The following CADPS2 variants were observed in gnomAD, a reference collection of about 807,000 sequenced individuals.
CADPS2 encodes calcium-dependent secretion activator 2.
In CADPS2, 93 loss-of-function variants were observed where a neutral mutation model predicts 172.5. The observed-to-expected ratio is 0.54, with a 90% CI of 0.46 to 0.64. The LOEUF (loss-of-function observed/expected upper bound fraction) is 0.64. Ranked by LOEUF, CADPS2 falls within the 30% of genes least tolerant of loss-of-function variation. CADPS2 has a pLI of 0.00. For missense variants in CADPS2, 1,420 were observed against 1,565.9 expected, an observed-to-expected ratio of 0.91 and a Z score of 1.57; for synonymous variants, 546 against 555.2, an observed-to-expected ratio of 0.98 and a Z score of 0.23.
chr7:122,478,514 A>G (rs2056955814), intron 12 of CADPS2, among the ~76,000 whole-genome samples: 1 of 152,208 alleles, frequency 6.6e-6, no homozygotes, highest in South Asian at 2.1e-4. Flanking sequence ...AGATGGAATG[A>G]AACCCAAATT....
chr7:122,391,179 C>G (rs2044322125), intron 22 of CADPS2, among the ~76,000 whole-genome samples: 1 of 152,030 alleles, frequency 6.6e-6, no homozygotes, highest in Non-Finnish European at 1.5e-5. Flanking sequence ...TCTGGACACT[C>G]TGACAAAGAA....
At chr7:122,647,239 TA>T (rs1223657359) in intron 3 of CADPS2, among the ~76,000 whole-genome samples, 1 of 152,048 alleles carries the variant, frequency 6.6e-6, no homozygotes, top group East Asian at 1.9e-4. Flanking sequence ...TGGATCTAAC[TA>T]AGAGCAAAAT....
At position 122,756,143 on chromosome 7, in the gene CADPS2, AAT is replaced by A. The variant is rs1374807305; in HGVS notation, c.340-19077_340-19076del. ...TTTATTTTCCCTTTCAGATTCATTG[AAT>A]AGTTACTGGTTACAAAAGGCGACTA... On this transcript the variant is annotated intron_variant, in intron 1 of 29. Coordinates refer to ENST00000449022, the MANE Select transcript of CADPS2 (RefSeq NM_017954.11). Among the ~76,000 whole-genome samples, 4 of 152,342 alleles carry A rather than the reference AAT, an allele frequency of 2.6e-5. No homozygotes were observed. The East Asian group carries it at 7.7e-4, about 29-fold the overall frequency.
At chr7:122,858,203 C>A (rs1815867923) in intron 1 of CADPS2, among the ~76,000 whole-genome samples, 1 of 152,096 alleles carries the variant, frequency 6.6e-6, no homozygotes, top group Admixed American at 6.6e-5. Context: ...ATTTTACAAT[C>A]CTCTTGTAAG....
intron 4 of CADPS2, among the ~76,000 whole-genome samples, chr7:122,622,283 C>T (rs944107029): frequency 1.3e-5 from 2 of 152,090 alleles, no homozygotes; most frequent in Non-Finnish European, 2.9e-5. Flanking sequence ...CATTAATGTG[C>T]CAAGATCTCT....
chr7:122,335,433 G>C (rs1240316238), intron 28 of CADPS2, among the ~76,000 whole-genome samples: 4 of 152,100 alleles, frequency 2.6e-5, no homozygotes. Flanking sequence ...ATTTTTAATA[G>C]AGATGGAGTT....
chr7:122,597,732 C>T (rs528049634), intron 6 of CADPS2, among the ~76,000 whole-genome samples: 3 of 152,068 alleles, frequency 2.0e-5, no homozygotes, highest in Admixed American at 6.6e-5. Context: ...TCAATTTCCC[C>T]TGTAATAACT....
chr7:122,645,528 G>GTATA (rs778452167), intron 3 of CADPS2, among the ~76,000 whole-genome samples: 28 of 109,554 alleles, frequency 2.6e-4, no homozygotes, highest in East Asian at 9.8e-4. Flanking sequence ...ATATATATAA[G>GTATA]TATATATATA....
chr7:122,346,219 A>AG (rs2037634298), intron 27 of CADPS2, among the ~76,000 whole-genome samples: 1 of 152,002 alleles, frequency 6.6e-6, no homozygotes, highest in Non-Finnish European at 1.5e-5. Flanking sequence ...ATAAAAAAAA[A>AG]TAGCTGGGAG....
intron 25 of CADPS2, chr7:122,378,956 G>A (rs1322030769): frequency 6.5e-6 from 1 of 154,742 alleles, no homozygotes; most frequent in Non-Finnish European, 1.4e-5. Flanking sequence ...GACCTCAGAT[G>A]TCACCCTGCA....
chr7:122,711,713 C>T (rs532008587), intron 2 of CADPS2, among the ~76,000 whole-genome samples: 36 of 152,190 alleles, frequency 2.4e-4, no homozygotes, highest in African/African-American at 7.5e-4. Context: ...AGTACAGTAG[C>T]GTGATCTTGG....
chr7:122,654,242 A>C (rs1205498719), intron 3 of CADPS2, among the ~76,000 whole-genome samples: 1 of 152,242 alleles, frequency 6.6e-6, no homozygotes, highest in Non-Finnish European at 1.5e-5. Context: ...TAGAAGCTGC[A>C]GTAAGTTATC....
At chr7:122,614,692 C>A (rs1288430338) in intron 6 of CADPS2, among the ~76,000 whole-genome samples, 1 of 152,164 alleles carries the variant, frequency 6.6e-6, no homozygotes, top group Non-Finnish European at 1.5e-5. Context: ...CAGCTTTATG[C>A]TCTGAATATC....
chr7:122,657,110 G>C (rs191036763), intron 3 of CADPS2, among the ~76,000 whole-genome samples: 14 of 152,322 alleles, frequency 9.2e-5, no homozygotes, highest in Non-Finnish European at 1.3e-4. Context: ...TCAAAGATCA[G>C]ATGGTTGTTT....
chr7:122,480,588 T>G (rs1416807148), intron 12 of CADPS2, among the ~76,000 whole-genome samples: 4 of 152,216 alleles, frequency 2.6e-5, no homozygotes, highest in Non-Finnish European at 5.9e-5. Flanking sequence ...TAACATATAT[T>G]GACCATTTGT....
At chr7:122,710,046 T>TAA (rs1276799579) in intron 2 of CADPS2, among the ~76,000 whole-genome samples, 1 of 53,692 alleles carries the variant, frequency 1.9e-5, no homozygotes, top group Non-Finnish European at 3.7e-5. Context: ...ACTTAAAGTA[T>TAA]AATAAAAAAA....
At chr7:122,728,025 C>T (rs971379333) in intron 2 of CADPS2, among the ~76,000 whole-genome samples, 7 of 151,776 alleles carry the variant, frequency 4.6e-5, no homozygotes, top group African/African-American at 1.7e-4. Flanking sequence ...GTTTACTTAG[C>T]GATCAACAAC....
chr7:122,606,996 C>A (rs900079131), intron 6 of CADPS2, among the ~76,000 whole-genome samples: 1 of 152,142 alleles, frequency 6.6e-6, no homozygotes, highest in East Asian at 1.9e-4. Flanking sequence ...CATGTGGACA[C>A]CTGATATGAC....
chr7:122,344,467 G>A (rs753966330), intron 28 of CADPS2, among the ~76,000 whole-genome samples: 5 of 152,064 alleles, frequency 3.3e-5, no homozygotes, highest in Admixed American at 1.3e-4. Flanking sequence ...GAAACATGAC[G>A]ATCACAGTAT....
Sources: gnomAD v4.1 joint callset for allele counts (sites outside exome capture counted in the v4.1 genomes callset) on GRCh38, gnomAD v4.1.1 for gene constraint, MANE v1.5 for transcripts, NCBI Gene and HGNC (gene_info 2026-07-23, HGNC 2026-07-21) for gene names.